CDH2: variants seen among roughly 807,000 people sequenced by gnomAD.
CDH2 encodes cadherin-2.
Under a neutral mutation model 92.0 loss-of-function variants are expected in CDH2, and 17 were observed. The observed-to-expected ratio is 0.18, with a 90% CI of 0.13 to 0.28. CDH2 has a LOEUF of 0.28. Among genes scored for constraint, CDH2 ranks in the 10% least tolerant of loss-of-function variants. The pLI is 1.00. For missense variants in CDH2, 862 were observed against 1,133.1 expected, an observed-to-expected ratio of 0.76 and a Z score of 3.44; for synonymous variants, 419 against 415.9, an observed-to-expected ratio of 1.01 and a Z score of -0.09.
At chr18:28,043,513 T>C (rs1409683544) in intron 2 of CDH2, among the ~76,000 whole-genome samples, 3 of 133,626 alleles carry the variant, frequency 2.2e-5, no homozygotes, top group Admixed American at 7.5e-5. Context: ...TATATATATA[T>C]ATAAACAGGT....
Position 28,003,077 on chromosome 18 carries a change from T to C in CDH2, c.940A>G (p.Ser314Gly). 1.2e-6 allele frequency: 2 copies of C among 1,614,040 alleles called. No individual in the cohort carries two copies. Among genetic ancestry groups the C allele is most frequent in the Non-Finnish European group, 1.7e-6 (2 of 1,179,964 alleles). Reference protein sequence around the residue: ...LRYRIVSQAPSTPSPNMFTIN... With the variant: ...LRYRIVSQAPGTPSPNMFTIN... ...GTAAACATGTTGGGTGAAGGGGTGCTTGGAGCCTGAGACACGATTCTGTAC... is the reference window on the plus strand; with the variant it reads ...GTAAACATGTTGGGTGAAGGGGTGCCTGGAGCCTGAGACACGATTCTGTAC... The change falls in exon 7 of 16, where the codon AGC becomes GGC. Residue 314 changes from serine (S) to glycine (G), a missense_variant. Ser to Gly is a moderately conservative substitution (Grantham distance 56, BLOSUM62 0). Coordinates refer to ENST00000269141, the MANE Select transcript of CDH2 (RefSeq NM_001792.5).
At chr18:27,964,556 CTCTG>C (rs1490947523) in intron 14 of CDH2, among the ~76,000 whole-genome samples, 3 of 152,196 alleles carry the variant, frequency 2.0e-5, no homozygotes, top group Admixed American at 6.5e-5. Flanking sequence ...GGCTTCATCT[CTCTG>C]TCTGAAACTA....
At chr18:28,100,823 TA>T (rs2144232073) in intron 2 of CDH2, among the ~76,000 whole-genome samples, 1 of 152,328 alleles carries the variant, frequency 6.6e-6, no homozygotes, top group South Asian at 2.1e-4. Context: ...GTTATTAGTG[TA>T]AATATATAAA....
rs5823570 is a variant in CDH2 at position 27,960,019 on chromosome 18, A to AACACACACACACACACACACAC, written c.2514+3316_2514+3337dup. 1.2e-3 allele frequency among the ~76,000 whole-genome samples: 173 copies of AACACACACACACACACACACAC among 149,610 alleles called. 1 individual carries two copies. Among genetic ancestry groups the AACACACACACACACACACACAC allele is most frequent in the African/African-American group, 3.6e-3 (146 of 40,674 alleles). On this transcript the variant is annotated intron_variant, in intron 15 of 15. Transcript: ENST00000269141. ...AACAGAGAGAGACCCTGTCTCTTAAAACACACACACACACACACACACACA... is the reference window on the plus strand; with the variant it reads ...AACAGAGAGAGACCCTGTCTCTTAAAACACACACACACACACACACACACACACACACACACACACACACACA...
intron 14 of CDH2, among the ~76,000 whole-genome samples, chr18:27,965,990 GAAAAAAAAAA>G (rs373927434): frequency 1.2e-4 from 7 of 58,660 alleles, no homozygotes; most frequent in Non-Finnish European, 1.8e-4. Flanking sequence ...TGTCTAAAAG[GAAAAAAAAAA>G]AAAAAAAAAA....
intron 2 of CDH2, among the ~76,000 whole-genome samples, chr18:28,118,933 T>C (rs1346857785): frequency 6.6e-6 from 1 of 152,018 alleles, no homozygotes; most frequent in Non-Finnish European, 1.5e-5. Flanking sequence ...TCCTGAAAAA[T>C]CTCTAATTAA....
intron 1 of CDH2, among the ~76,000 whole-genome samples, chr18:28,167,783 T>A (rs1328683311): frequency 6.6e-6 from 1 of 152,168 alleles, no homozygotes; most frequent in African/African-American, 2.4e-5. Context: ...TATATGTACA[T>A]AATCTGAATT....
At chr18:28,175,603 T>C (rs2016526731) in intron 1 of CDH2, among the ~76,000 whole-genome samples, 2 of 151,892 alleles carry the variant, frequency 1.3e-5, no homozygotes, top group Non-Finnish European at 1.5e-5. Context: ...GTCCAGCCCC[T>C]GCCCCCGCCC....
intron 1 of CDH2, among the ~76,000 whole-genome samples, chr18:28,157,458 G>A (rs897939760): frequency 2.0e-5 from 3 of 152,062 alleles, no homozygotes; most frequent in South Asian, 2.1e-4. Flanking sequence ...TGTTAGTACC[G>A]CCATTTTGCA....
intron 2 of CDH2, among the ~76,000 whole-genome samples, chr18:28,055,527 G>T (rs1428687880): frequency 6.6e-6 from 1 of 152,164 alleles, no homozygotes; most frequent in Non-Finnish European, 1.5e-5. Context: ...ACTGGCAAAT[G>T]AAAAATCTTA....
At chr18:28,153,992 A>T (rs2016167616) in intron 1 of CDH2, among the ~76,000 whole-genome samples, 1 of 152,196 alleles carries the variant, frequency 6.6e-6, no homozygotes, top group Non-Finnish European at 1.5e-5. Context: ...CTCAAGAGGC[A>T]TGATGGATAA....
At chr18:27,956,807 C>G (rs1471142456) in intron 15 of CDH2, among the ~76,000 whole-genome samples, 4 of 152,094 alleles carry the variant, frequency 2.6e-5, no homozygotes, top group Admixed American at 2.6e-4. Flanking sequence ...AGAAAATTAA[C>G]TTAAAAATTG....
At chr18:28,043,485 TATATATATAA>T (rs1438067251) in intron 2 of CDH2, among the ~76,000 whole-genome samples, 941 of 76,544 alleles carry the variant, frequency 0.012, 13 homozygotes, top group African/African-American at 0.042. Context: ...TATATATATA[TATATATATAA>T]ATATATATAT....
chr18:27,990,214 T>C lies in CDH2; in HGVS notation c.1481A>G (p.Asn494Ser). 6.2e-7 allele frequency: 1 copy of C among 1,613,860 alleles called. No individual in the cohort carries two copies. Among genetic ancestry groups the C allele is most frequent in the Non-Finnish European group, 8.5e-7 (1 of 1,179,966 alleles). The change falls in exon 10 of 16, where the codon AAC (asparagine) becomes AGC (serine). Residue 494 changes from asparagine to serine, a missense_variant. Asn to Ser is a conservative substitution (Grantham distance 46, BLOSUM62 1). Transcript: ENST00000269141. ...CTTAGGATTGGGGGCAAAATAAGGG[T>C]TTTCATTTACGTCAATAACTGTAAC... ...VSVTVIDVNE[N>S]PYFAPNPKII...
intron 2 of CDH2, among the ~76,000 whole-genome samples, chr18:28,051,027 T>C (rs2014180705): frequency 6.6e-6 from 1 of 152,192 alleles, no homozygotes; most frequent in African/African-American, 2.4e-5. Flanking sequence ...AAAGAAAATA[T>C]TTAATTCTCT....
chr18:28,118,535 G>A (rs765538498), intron 2 of CDH2, among the ~76,000 whole-genome samples: 2 of 151,752 alleles, frequency 1.3e-5, no homozygotes, highest in Non-Finnish European at 2.9e-5. Flanking sequence ...CTTTGTTGTT[G>A]TTGTTGTTTT....
downstream of CDH2, among the ~76,000 whole-genome samples, chr18:27,950,251 TAA>T (rs1909383116): frequency 6.6e-6 from 1 of 152,096 alleles, no homozygotes; most frequent in African/African-American, 2.4e-5. Flanking sequence ...GTATATTATA[TAA>T]GTGTTTTCAA....
chr18:27,934,328 C>A (rs937913940), intron 6 of CDH2, among the ~76,000 whole-genome samples: 1 of 152,166 alleles, frequency 6.6e-6, no homozygotes, highest in Non-Finnish European at 1.5e-5. Flanking sequence ...TGAAATGATT[C>A]TGAGAGCAAT....
At chr18:27,975,511 C>A (rs186647520) in intron 14 of CDH2, among the ~76,000 whole-genome samples, 8 of 152,202 alleles carry the variant, frequency 5.3e-5, no homozygotes, top group African/African-American at 1.9e-4. Context: ...GGGAACCAGC[C>A]GGCCACTTTG....
Sources: gnomAD v4.1 joint callset for allele counts (sites outside exome capture counted in the v4.1 genomes callset) on GRCh38, gnomAD v4.1.1 for gene constraint, MANE v1.5 for transcripts, NCBI Gene and HGNC (gene_info 2026-07-23, HGNC 2026-07-21) for gene names.